The following UBE2E1 variants were observed in gnomAD, a reference collection of about 807,000 sequenced individuals.
UBE2E1 encodes ubiquitin conjugating enzyme E2 E1.
In UBE2E1, 6 loss-of-function variants were observed where a neutral mutation model predicts 21.4. That is an observed-to-expected ratio of 0.28 (90% CI 0.15 to 0.55). The LOEUF is 0.55. UBE2E1 is among the 20% of genes least tolerant of loss of function. The pLI is 0.93. For synonymous variants in UBE2E1, 87 were observed against 82.7 expected, an observed-to-expected ratio of 1.05 and a Z score of -0.28; for missense variants, 142 against 236.5, an observed-to-expected ratio of 0.60 and a Z score of 2.62.
chr3:23,849,585 C>G (rs1700280414), intron 3 of UBE2E1, among the ~76,000 whole-genome samples: 1 of 152,166 alleles, frequency 6.6e-6, no homozygotes, highest in Admixed American at 6.5e-5. Flanking sequence ...TCATCTCCCA[C>G]TTATTTGTGA....
chr3:23,835,543 C>T (rs1396589262), intron 3 of UBE2E1, among the ~76,000 whole-genome samples: 1 of 151,978 alleles, frequency 6.6e-6, no homozygotes, highest in East Asian at 1.9e-4. Context: ...GGTTCCCACA[C>T]CTGCATTAAA....
intron 3 of UBE2E1, among the ~76,000 whole-genome samples, chr3:23,881,829 T>C (rs1056993022): frequency 2.6e-5 from 4 of 152,214 alleles, no homozygotes; most frequent in Admixed American, 2.6e-4. Flanking sequence ...TCGGACGTGT[T>C]CAGAGTTTCT....
rs1243399904 is a variant in UBE2E1, at chr3:23,810,340, C to T, written c.153-1120C>T. On this transcript the variant is annotated intron_variant, in intron 2 of 5. Coordinates refer to ENST00000306627, the MANE Select transcript of UBE2E1 (RefSeq NM_003341.5). The surrounding 1 kb of genome is among the most constrained non-coding windows in gnomAD (Gnocchi z 5.8). ...GCCTAGGTAAGCAAAAGACAAAGGC[C>T]AGGGCTTGGTGTGAACTGCCTGGTG... The T allele has an allele frequency of 4.1e-6, 5 of 1,228,904 alleles. No homozygotes were observed. In the African/African-American group the frequency reaches 4.5e-5, roughly 11 times the overall value. 76.1% of individuals were successfully genotyped at this position (1,228,904 alleles called of 1,614,324 possible). A position where few individuals can be genotyped will look rare whatever the true frequency, so the allele number is the denominator to read the frequency against.
chr3:23,813,930 A>G (rs901383572), intron 3 of UBE2E1, among the ~76,000 whole-genome samples: 3 of 152,220 alleles, frequency 2.0e-5, no homozygotes, highest in Non-Finnish European at 4.4e-5. Flanking sequence ...TACCCTCAGC[A>G]TGAAAGCATG....
intron 3 of UBE2E1, among the ~76,000 whole-genome samples, chr3:23,857,677 G>A (rs1259372337): frequency 6.6e-6 from 1 of 152,194 alleles, no homozygotes; most frequent in Non-Finnish European, 1.5e-5. Context: ...GATAGGACTT[G>A]CTTGTGGTTT....
chr3:23,819,577 C>G (rs918082398), intron 3 of UBE2E1, among the ~76,000 whole-genome samples: 1 of 152,148 alleles, frequency 6.6e-6, no homozygotes, highest in African/African-American at 2.4e-5. Context: ...ATTATTATGT[C>G]TTTATATCCC....
intron 3 of UBE2E1, among the ~76,000 whole-genome samples, chr3:23,835,482 C>CA (rs1699957650): frequency 6.6e-6 from 1 of 151,970 alleles, no homozygotes; most frequent in South Asian, 2.1e-4. Flanking sequence ...AAAACCAGAA[C>CA]AAAAAACAGT....
In UBE2E1 at chr3:23,811,325, GAT is replaced by G. The variant is rs944970481; in HGVS notation, c.153-134_153-133del. On this transcript the variant is annotated intron_variant, in intron 2 of 5. Transcript: ENST00000306627. The stretch of plus-strand genomic sequence containing the variant: ...CCTAAACTAGGGACCTGAAGTTCTT[GAT>G]GTGTAGTTCCTCTTTGCCCAGTAGA... 13 of 778,100 alleles carry G rather than the reference GAT, an allele frequency of 1.7e-5. No homozygotes were observed. The African/African-American group carries it at 1.9e-4, about 12-fold the overall frequency. 48.2% of individuals were successfully genotyped at this position (778,100 alleles called of 1,614,324 possible). A position where few individuals can be genotyped will look rare whatever the true frequency, so the allele number is the denominator to read the frequency against.
chr3:23,866,300 T>G (rs943547485), intron 3 of UBE2E1: 2 of 152,406 alleles, frequency 1.3e-5, no homozygotes, highest in African/African-American at 4.8e-5. Context: ...AGGCCTCAGC[T>G]TCACAGAGCA....
intron 3 of UBE2E1, among the ~76,000 whole-genome samples, chr3:23,826,553 TG>T (rs2125290631): frequency 6.6e-6 from 1 of 152,322 alleles, no homozygotes; most frequent in South Asian, 2.1e-4. Context: ...CTCAGCAGTC[TG>T]GGAGGCAGCT....
Position 23,863,361 on chromosome 3 carries a change from T to A in UBE2E1, c.204-24206T>A, listed in dbSNP as rs1366146754. Among the ~76,000 whole-genome samples the A allele has an allele frequency of 6.6e-6, 1 of 151,982 alleles. No homozygotes were observed. The highest frequency in any genetic ancestry group is 1.5e-5 in the Non-Finnish European group (1 of 67,994). The stretch of plus-strand genomic sequence containing the variant: ...ACTTTTCCTTCCTTGCTTGACTACC[T>A]CCCTCCCCAAGTTATTCTCTCACCT... On this transcript the variant is annotated intron_variant, in intron 3 of 5. Transcript: ENST00000306627. This position sits in a 1 kb window ranked among gnomAD's most constrained non-coding sequence, Gnocchi z 4.3.
At position 23,810,820 on chromosome 3, in the gene UBE2E1, T is replaced by C. The variant is rs1367580888; in HGVS notation, c.153-640T>C. 1 of 185,910 alleles carries C rather than the reference T, an allele frequency of 5.4e-6. No homozygotes were observed. Among genetic ancestry groups the C allele is most frequent in the Admixed American group, 6.2e-5 (1 of 16,046 alleles). 11.5% of individuals were successfully genotyped at this position (185,910 alleles called of 1,614,324 possible). On this transcript the variant is annotated intron_variant, in intron 2 of 5. Transcript: ENST00000306627. This position sits in a 1 kb window ranked among gnomAD's most constrained non-coding sequence, Gnocchi z 5.8. ...GGGCGCGCGCGGGGTGGGGGCGGCG[T>C]GGCCGGGCGGTGGCAGCCCACCGCT...
chr3:23,862,411 C>T (rs1282748019), intron 3 of UBE2E1, among the ~76,000 whole-genome samples: 1 of 152,148 alleles, frequency 6.6e-6, no homozygotes, highest in African/African-American at 2.4e-5. Flanking sequence ...CACTGTGAAA[C>T]CTTCTCAGTT....
At chr3:23,833,644 G>T (rs1699914400) in intron 3 of UBE2E1, among the ~76,000 whole-genome samples, 1 of 152,196 alleles carries the variant, frequency 6.6e-6, no homozygotes, top group South Asian at 2.1e-4. Context: ...TACAGCAAAT[G>T]TTGTTGTCTA....
rs139840181 is a variant in UBE2E1 at position 23,881,705 on chromosome 3, C to T, written c.204-5862C>T. ...ATGTACTTTTCTGCTCCCATTGTGT[C>T]CGGAATTGGTGGGTTCTTGGTCTCA... On this transcript the variant is annotated intron_variant, in intron 3 of 5. Coordinates refer to ENST00000306627, the MANE Select transcript of UBE2E1 (RefSeq NM_003341.5). Among the ~76,000 whole-genome samples, 96 of 152,252 alleles carry T rather than the reference C, an allele frequency of 6.3e-4. 1 individual carries two copies. The East Asian group carries it at 0.016, about 26-fold the overall frequency.
chr3:23,844,960 C>T (rs1215363636), intron 3 of UBE2E1, among the ~76,000 whole-genome samples: 1 of 152,090 alleles, frequency 6.6e-6, no homozygotes, highest in Non-Finnish European at 1.5e-5. Flanking sequence ...TAATTTATGG[C>T]AGCACCAAAC....
At chr3:23,889,582 C>T (rs1206422085) in intron 5 of UBE2E1, 7 of 985,136 alleles carry the variant, frequency 7.1e-6, no homozygotes, top group Non-Finnish European at 8.4e-6. Context: ...ACAAATCAGA[C>T]ACTTCTAAAT....
At chr3:23,829,522 A>G (rs935432651) in intron 3 of UBE2E1, among the ~76,000 whole-genome samples, 1 of 151,898 alleles carries the variant, frequency 6.6e-6, no homozygotes, top group East Asian at 1.9e-4. Context: ...GGCTAGTCTC[A>G]AACTCCTGGT....
chr3:23,829,560 C>T (rs1699826066), intron 3 of UBE2E1, among the ~76,000 whole-genome samples: 1 of 152,092 alleles, frequency 6.6e-6, no homozygotes, highest in Non-Finnish European at 1.5e-5. Context: ...CCTCAACCTC[C>T]CAAAGCACGG....
Sources: allele counts gnomAD v4.1 joint callset (sites outside exome capture counted in the v4.1 genomes callset), GRCh38; gene constraint gnomAD v4.1.1; non-coding constraint Gnocchi (gnomAD v3.1); transcripts MANE v1.5; gene names NCBI Gene and HGNC (gene_info 2026-07-23, HGNC 2026-07-21).